Variants in NFE2L1 observed in about 807,000 individuals in gnomAD.
The protein encoded by NFE2L1 is endoplasmic reticulum membrane sensor NFE2L1.
A neutral mutation model predicts 61.6 loss-of-function variants in NFE2L1; 18 were observed. The ratio of observed to expected loss-of-function variants is 0.29; its 90% CI spans 0.20 to 0.43. The LOEUF is 0.43. NFE2L1 is among the 20% of genes least tolerant of loss of function. The pLI is 1.00. For missense variants in NFE2L1, 827 were observed against 973.5 expected (o/e 0.85, Z 2.00); for synonymous variants, 419 against 402.7 (o/e 1.04, Z -0.48).
rs2037542073 is a variant in NFE2L1, at chr17:48,061,254, C to T, written c.*1613C>T. 6.6e-6 allele frequency: 1 copy of T among 152,158 alleles called. No individual in the cohort carries two copies. Among genetic ancestry groups the T allele is most frequent in the South Asian group, 2.1e-4 (1 of 4,834 alleles). The allele number at this position is 152,158 out of a possible 1,614,324, so 9.4% of individuals were successfully genotyped here. ...CTGCCCGGCTCTGGAGTACCGTCTG[C>T]CCCAGACAAGTGGGAGTGAAATGGG... is the stretch of plus-strand genomic sequence containing the variant. On this transcript the variant is annotated 3_prime_UTR_variant, in exon 6 of 6. Coordinates refer to ENST00000362042, the MANE Select transcript of NFE2L1 (RefSeq NM_003204.3).
chr17:48,054,661 G>A, intron 2 of NFE2L1: 10 of 1,265,982 alleles, frequency 7.9e-6, no homozygotes, highest in East Asian at 3.1e-5. Flanking sequence ...GGGGGCGTGG[G>A]GGGGAGGAGC....
At chr17:48,050,558 G>A (rs2037225086) in intron 1 of NFE2L1, 49 bp from the exon 2 acceptor site, 2 of 405,844 alleles carry the variant, frequency 4.9e-6, no homozygotes, top group Non-Finnish European at 8.7e-6. Context: ...TGATCATGAT[G>A]TGAAAAGTAT....
At position 48,051,372 on chromosome 17, in the gene NFE2L1, G is replaced by A; in HGVS notation, c.254G>A (p.Ser85Asn). 2 of 1,614,174 alleles carry A rather than the reference G, an allele frequency of 1.2e-6. No homozygotes were observed. Among genetic ancestry groups the A allele is most frequent in the Non-Finnish European group, 1.7e-6 (2 of 1,180,028 alleles). ...DNYFTARRLLSQVRALDRFQV... is the reference protein window; with the variant it reads ...DNYFTARRLLNQVRALDRFQV... ...TACTTCACTGCCCGGCGGCTCCTCA[G>A]TCAGGTGAGGGCCCTGGACAGGTTC... Residue 85 changes from serine (S) to asparagine (N), a missense_variant, in exon 2 of 6, where the codon AGT (serine) becomes AAT (asparagine). Coordinates refer to ENST00000362042, the MANE Select transcript of NFE2L1 (RefSeq NM_003204.3).
chr17:48,056,924 C>A, intron 3 of NFE2L1, 108 bp from the exon 4 acceptor site: 2 of 1,139,896 alleles, frequency 1.8e-6, no homozygotes, highest in Non-Finnish European at 1.3e-6. Context: ...AGCCATTAGC[C>A]TGGGAATGGG....
chr17:48,056,293 T>C, intron 2 of NFE2L1, 93 bp from the exon 3 acceptor site: 1 of 1,460,518 alleles, frequency 6.8e-7, no homozygotes, highest in South Asian at 1.2e-5. Flanking sequence ...CACCCAGGAC[T>C]AACTGGGGTG....
intron 3 of NFE2L1, 111 bp downstream of exon 3, chr17:48,056,709 G>A (rs1481892918): frequency 1.5e-6 from 2 of 1,328,942 alleles, no homozygotes; most frequent in Non-Finnish European, 2.0e-6. Context: ...GGTGTGTGGG[G>A]TGGACCTGAA....
Position 48,051,039 on chromosome 17 carries a change from G to C in NFE2L1, c.-80G>C. The C allele has an allele frequency of 6.4e-7, 1 of 1,569,210 alleles. No individual in the cohort carries two copies. Among genetic ancestry groups the C allele is most frequent in the Non-Finnish European group, 8.7e-7 (1 of 1,147,720 alleles). ...ACTGAGGAGGGTAACCTGCTGGCTGGAGCGGCAGAGCAGTGGCCTTGATTT... is the reference window on the plus strand; with the variant it reads ...ACTGAGGAGGGTAACCTGCTGGCTGCAGCGGCAGAGCAGTGGCCTTGATTT... On this transcript the variant is annotated 5_prime_UTR_variant, in exon 2 of 6. Coordinates refer to ENST00000362042, the MANE Select transcript of NFE2L1 (RefSeq NM_003204.3).
intron 1 of NFE2L1, among the ~76,000 whole-genome samples, chr17:48,049,467 A>G (rs947879582): frequency 6.6e-6 from 1 of 151,726 alleles, no homozygotes; most frequent in Non-Finnish European, 1.5e-5. Context: ...ATATCGGCCC[A>G]CCACAACCTC....
intron 1 of NFE2L1, 105 bp from the exon 2 acceptor site, chr17:48,050,502 C>T (rs2037222937): frequency 7.6e-6 from 3 of 395,838 alleles, no homozygotes; most frequent in Non-Finnish European, 8.9e-6. Context: ...GTGAAAGTGT[C>T]CTTTGAATGT....
chr17:48,058,205 A>T (rs1174845540), intron 5 of NFE2L1, 90 bp from the exon 6 acceptor site: 2 of 1,491,470 alleles, frequency 1.3e-6, no homozygotes, highest in Non-Finnish European at 1.8e-6. Context: ...ACACCCATGC[A>T]GCTGTGCCTC....
At chr17:48,054,828 C>T in intron 2 of NFE2L1, 1 of 1,283,546 alleles carries the variant, frequency 7.8e-7, no homozygotes, top group Non-Finnish European at 9.8e-7. Flanking sequence ...GAGGGGGCTG[C>T]TCAAGGATGG....
chr17:48,053,104 GC>G (rs1214868588), intron 2 of NFE2L1, among the ~76,000 whole-genome samples: 1 of 152,126 alleles, frequency 6.6e-6, no homozygotes. Flanking sequence ...TCTGCTCTAT[GC>G]TCCTCCCCCA....
intron 1 of NFE2L1, chr17:48,049,198 G>A (rs538424085): frequency 3.9e-5 from 6 of 152,334 alleles, no homozygotes; most frequent in African/African-American, 1.2e-4. Context: ...AAGCTCAAAA[G>A]TGGAGACCAG....
chr17:48,056,700 G>A (rs773525996), intron 3 of NFE2L1, 102 bp downstream of exon 3: 132 of 1,375,854 alleles, frequency 9.6e-5, no homozygotes, highest in Non-Finnish European at 1.3e-4. Flanking sequence ...AAGACAGGTG[G>A]TGTGTGGGGT....
At chr17:48,051,904 G>C (rs949352583) in intron 2 of NFE2L1, among the ~76,000 whole-genome samples, 1 of 152,080 alleles carries the variant, frequency 6.6e-6, no homozygotes, top group African/African-American at 2.4e-5. Context: ...TTGGATTTCA[G>C]CGTGACTGCT....
At chr17:48,054,347 A>G in intron 2 of NFE2L1, 1 of 164,266 alleles carries the variant, frequency 6.1e-6, no homozygotes, top group Non-Finnish European at 1.3e-5. Context: ...GAGGCGGCCC[A>G]GGGATGGGCT....
intron 5 of NFE2L1, 60 bp downstream of exon 5, chr17:48,057,562 C>T (rs1308246012): frequency 4.5e-6 from 7 of 1,549,832 alleles, no homozygotes; most frequent in Non-Finnish European, 6.1e-6. Flanking sequence ...TCTTAGCACT[C>T]AGTTGCTTTT....
chr17:48,057,152 G>A (rs1237994902), intron 4 of NFE2L1, 31 bp downstream of exon 4: 4 of 1,610,288 alleles, frequency 2.5e-6, no homozygotes, highest in African/African-American at 2.7e-5. Context: ...AGTCCACCAA[G>A]TGAGCAGGGC....
chr17:48,053,128 C>G (rs911948700), intron 2 of NFE2L1, among the ~76,000 whole-genome samples: 1 of 152,138 alleles, frequency 6.6e-6, no homozygotes, highest in African/African-American at 2.4e-5. Context: ...GTAGCTCCCC[C>G]AGGGGTGGGT....
Sources: allele counts gnomAD v4.1 joint callset (sites outside exome capture counted in the v4.1 genomes callset), GRCh38; gene constraint gnomAD v4.1.1; transcripts MANE v1.5; gene names NCBI Gene and HGNC (gene_info 2026-07-23, HGNC 2026-07-21).